The following LIPC variants were observed in gnomAD, a reference collection of about 807,000 sequenced individuals.
LIPC encodes lipase C, hepatic type.
A neutral mutation model predicts 50.7 loss-of-function variants in LIPC; 44 were observed. The observed-to-expected ratio is 0.87, with a 90% CI of 0.68 to 1.11. The LOEUF (loss-of-function observed/expected upper bound fraction) is 1.11. Among genes scored for constraint, LIPC ranks in the 50% most tolerant of loss-of-function variants. The probability of loss-of-function intolerance (pLI) is 0.00; values close to 1 mark genes in which losing one functional copy is unlikely to be tolerated. For synonymous variants in LIPC, 271 were observed against 256.4 expected, an observed-to-expected ratio of 1.06 and a Z score of -0.54; for missense variants, 697 against 648.2, an observed-to-expected ratio of 1.08 and a Z score of -0.82.
intron 1 of LIPC, among the ~76,000 whole-genome samples, chr15:58,453,610 G>A (rs1471362428): frequency 1.3e-5 from 2 of 152,054 alleles, no homozygotes; most frequent in East Asian, 3.9e-4. Context: ...TACAGAGTGT[G>A]GGTTCCGTAC....
intron 2 of LIPC, among the ~76,000 whole-genome samples, chr15:58,540,752 C>G (rs1222718715): frequency 1.3e-5 from 2 of 152,154 alleles, no homozygotes; most frequent in Non-Finnish European, 2.9e-5. Context: ...GCCTGGGATG[C>G]CCTAGACCTC....
intron 6 of LIPC, among the ~76,000 whole-genome samples, chr15:58,548,875 T>C (rs924933860): frequency 3.3e-5 from 5 of 152,174 alleles, no homozygotes; most frequent in Non-Finnish European, 7.3e-5. Flanking sequence ...CCACACGCAG[T>C]TTACCTGGGC....
At chr15:58,450,789 G>A (rs574594241) in intron 1 of LIPC, among the ~76,000 whole-genome samples, 7 of 152,232 alleles carry the variant, frequency 4.6e-5, no homozygotes, top group Admixed American at 1.3e-4. Flanking sequence ...ATTGATAAGA[G>A]CCCACCGTGC....
intron 1 of LIPC, among the ~76,000 whole-genome samples, chr15:58,461,062 G>A (rs955767568): frequency 4.6e-5 from 7 of 152,234 alleles, no homozygotes; most frequent in Admixed American, 2.0e-4. Flanking sequence ...ACCCAGAAGT[G>A]AGGTGAGGAC....
chr15:58,530,021 C>T (rs41292498), intron 1 of LIPC, among the ~76,000 whole-genome samples: 4,381 of 152,292 alleles, frequency 0.029, 200 homozygotes, highest in African/African-American at 0.1. Flanking sequence ...TGTGGTAAAA[C>T]GGATTCTCGC....
intron 1 of LIPC, among the ~76,000 whole-genome samples, chr15:58,438,245 AG>A (rs1339362604): frequency 6.6e-6 from 1 of 152,130 alleles, no homozygotes. Flanking sequence ...AGGCAGAAAG[AG>A]GCTGGGCCCC....
chr15:58,458,359 C>T (rs1047772063), intron 1 of LIPC, among the ~76,000 whole-genome samples: 1 of 152,212 alleles, frequency 6.6e-6, no homozygotes, highest in Non-Finnish European at 1.5e-5. Flanking sequence ...GAGCCTCCCC[C>T]ACCACGTCCT....
At chr15:58,438,542 A>G (rs184160761) in intron 1 of LIPC, among the ~76,000 whole-genome samples, 94 of 152,316 alleles carry the variant, frequency 6.2e-4, no homozygotes, top group African/African-American at 2.1e-3. Context: ...CCAAGGTGAT[A>G]ACTAGAACAA....
intron 1 of LIPC, among the ~76,000 whole-genome samples, chr15:58,477,656 A>T (rs1263591303): frequency 6.6e-6 from 1 of 152,168 alleles, no homozygotes; most frequent in African/African-American, 2.4e-5. Flanking sequence ...TCTGTCCTCC[A>T]TTGGAAGCTC....
chr15:58,478,963 ACGGGCTCTAGGCCT>A (rs1440474365), intron 1 of LIPC, among the ~76,000 whole-genome samples: 8 of 152,238 alleles, frequency 5.3e-5, no homozygotes, highest in African/African-American at 1.9e-4. Context: ...CCACATTCTG[ACGGGCTCTAGGCCT>A]CGGAGTTGAA....
chr15:58,472,270 C>CA (rs35901617), intron 1 of LIPC, among the ~76,000 whole-genome samples: 16,631 of 87,100 alleles, frequency 0.19, 1,579 homozygotes, highest in East Asian at 0.23. Context: ...CATTTGGTCT[C>CA]AAAAAAAAAA....
chr15:58,527,312 C>G (rs1892825864), intron 1 of LIPC, among the ~76,000 whole-genome samples: 1 of 152,114 alleles, frequency 6.6e-6, no homozygotes, highest in African/African-American at 2.4e-5. Context: ...CTGCAGACCC[C>G]AGGGTCAGGC....
chr15:58,530,329 T>C (rs1028251896), intron 1 of LIPC, among the ~76,000 whole-genome samples: 6 of 152,192 alleles, frequency 3.9e-5, no homozygotes, highest in African/African-American at 1.4e-4. Context: ...CTCCCCGACC[T>C]GGTCTTTTGG....
In LIPC at chr15:58,545,942, C is replaced by A. The variant is rs890827794; in HGVS notation, c.775C>A (p.Leu259Ile). The A allele has an allele frequency of 6.2e-7, 1 of 1,614,142 alleles. No individual in the cohort carries two copies. Among genetic ancestry groups the A allele is most frequent in the South Asian group, 1.1e-5 (1 of 91,080 alleles). ...CCAGCCTGGCTGCCACTTCCTAGAG[C>A]TCTACAGACATATTGCCCAGCACGG... The part of the protein sequence containing the change: ...SFQPGCHFLE[L>I]YRHIAQHGFN... Residue 259 changes from leucine to isoleucine, a missense_variant, in exon 5 of 9, where the codon CTC becomes ATC. Transcript: ENST00000299022.
At chr15:58,493,978 G>A (rs1375320519) in intron 1 of LIPC, among the ~76,000 whole-genome samples, 3 of 152,094 alleles carry the variant, frequency 2.0e-5, no homozygotes, top group African/African-American at 7.2e-5. Flanking sequence ...TGAGAGTAGG[G>A]GTTCTGGAGG....
At chr15:58,551,496 C>A (rs1236724539) in intron 6 of LIPC, among the ~76,000 whole-genome samples, 1 of 152,222 alleles carries the variant, frequency 6.6e-6, no homozygotes, top group African/African-American at 2.4e-5. Context: ...TACGTGGCTG[C>A]TGCATCAGAG....
chr15:58,477,053 G>C (rs1354334727), intron 1 of LIPC, among the ~76,000 whole-genome samples: 1 of 152,154 alleles, frequency 6.6e-6, no homozygotes, highest in African/African-American at 2.4e-5. Context: ...AGCCGGGTGG[G>C]ATCTTTCCCC....
chr15:58,567,343 ATGTATATATATATATGTATATG>A (rs1566955226), intron 8 of LIPC, among the ~76,000 whole-genome samples: 4 of 15,950 alleles, frequency 2.5e-4, no homozygotes, highest in Non-Finnish European at 4.8e-4. Context: ...ATATATGTAT[ATGTATATATATATATGTATATG>A]TATATATATA....
chr15:58,521,367 A>G (rs4581654), intron 1 of LIPC: 1 of 152,166 alleles, frequency 6.6e-6, no homozygotes, highest in Admixed American at 6.5e-5. Flanking sequence ...CCCATCCTCA[A>G]GGTCTGAACA....
Sources: allele counts gnomAD v4.1 joint callset (sites outside exome capture counted in the v4.1 genomes callset), GRCh38; gene constraint gnomAD v4.1.1; transcripts MANE v1.5; gene names NCBI Gene and HGNC (gene_info 2026-07-23, HGNC 2026-07-21).